The following NUBPL variants were observed in gnomAD, a reference collection of about 807,000 sequenced individuals.
NUBPL encodes the protein iron-sulfur cluster transfer protein NUBPL.
A neutral mutation model predicts 45.7 loss-of-function variants in NUBPL; 31 were observed. The ratio of observed to expected loss-of-function variants is 0.68; its 90% CI spans 0.51 to 0.92. NUBPL has a LOEUF of 0.92. NUBPL is among the 40% of genes least tolerant of loss of function. The probability of loss-of-function intolerance (pLI) is 0.00; values close to 1 mark genes in which losing one functional copy is unlikely to be tolerated. For missense variants in NUBPL, 401 were observed against 398.7 expected (o/e 1.01, Z -0.05); for synonymous variants, 144 against 140.9 (o/e 1.02, Z -0.15).
At chr14:31,647,782 GT>G (rs1865980424) in intron 4 of NUBPL, among the ~76,000 whole-genome samples, 2 of 152,202 alleles carry the variant, frequency 1.3e-5, no homozygotes, top group South Asian at 4.1e-4. Flanking sequence ...ACCCAAGATG[GT>G]GGGGAAACTG....
chr14:31,636,135 G>A (rs1241165774), intron 4 of NUBPL, among the ~76,000 whole-genome samples: 1 of 152,022 alleles, frequency 6.6e-6, no homozygotes, highest in Non-Finnish European at 1.5e-5. Context: ...ATGTTGAATA[G>A]GAGTGGTGAG....
chr14:31,615,100 G>A (rs1429621107), intron 4 of NUBPL, among the ~76,000 whole-genome samples: 1 of 152,082 alleles, frequency 6.6e-6, no homozygotes, highest in Non-Finnish European at 1.5e-5. Flanking sequence ...TGGATCATGG[G>A]GGTGGTTTCT....
chr14:31,571,694 C>T (rs566219757), intron 3 of NUBPL, among the ~76,000 whole-genome samples: 1 of 152,268 alleles, frequency 6.6e-6, no homozygotes, highest in East Asian at 1.9e-4. Flanking sequence ...AGGTGATCTG[C>T]CCACCTCGGC....
chr14:31,787,855 CAGAAT>C lies in NUBPL; in HGVS notation c.591_595del (p.Gln197HisfsTer25), dbSNP rs1313083001. The C allele has an allele frequency of 6.2e-7, 1 of 1,609,282 alleles. No homozygotes were observed. The highest frequency in any genetic ancestry group is 8.5e-7 in the Non-Finnish European group (1 of 1,175,724). ...TGGAGATGTGCAGTTATCAGTCTCA[CAGAAT>C]ATTCCTATAACAGGTAAATCTTCAA... On this transcript the variant is annotated frameshift_variant, in exon 7 of 11. Transcript: ENST00000281081. LOFTEE classifies it high-confidence loss of function.
intron 4 of NUBPL, among the ~76,000 whole-genome samples, chr14:31,672,960 C>T (rs10134392): frequency 0.11 from 17,382 of 152,004 alleles, 2,984 homozygotes; most frequent in African/African-American, 0.38. Flanking sequence ...GAAGGATGGA[C>T]GGGCAAAGGG....
At chr14:31,754,968 G>T (rs1013984344) in intron 6 of NUBPL, among the ~76,000 whole-genome samples, 165 of 149,562 alleles carry the variant, frequency 1.1e-3, no homozygotes, top group African/African-American at 3.6e-3. Flanking sequence ...TTGTCCTTGC[G>T]ATAGTTTACT....
chr14:31,805,066 T>C (rs1566571497), intron 7 of NUBPL, among the ~76,000 whole-genome samples: 1 of 134,456 alleles, frequency 7.4e-6, no homozygotes, highest in African/African-American at 2.5e-5. Flanking sequence ...AGCATCTATT[T>C]ACAAGACAAA....
chr14:31,663,200 C>T (rs1287385678), intron 4 of NUBPL, among the ~76,000 whole-genome samples: 1 of 152,142 alleles, frequency 6.6e-6, no homozygotes. Context: ...CCTGTTCACT[C>T]TGATGATAGT....
intron 6 of NUBPL, among the ~76,000 whole-genome samples, chr14:31,697,262 G>A (rs191713441): frequency 1.2e-3 from 176 of 152,290 alleles, no homozygotes; most frequent in Non-Finnish European, 1.6e-3. Context: ...TCAATTGAAA[G>A]CCAACAATCA....
intron 10 of NUBPL, among the ~76,000 whole-genome samples, chr14:31,857,854 C>T (rs143498308): frequency 0.043 from 6,554 of 152,250 alleles, 204 homozygotes; most frequent in African/African-American, 0.087. Context: ...CCACATTTTC[C>T]TGTCTTCTTC....
chr14:31,619,385 G>C (rs1208308363), intron 4 of NUBPL, among the ~76,000 whole-genome samples: 1 of 152,176 alleles, frequency 6.6e-6, no homozygotes, highest in African/African-American at 2.4e-5. Context: ...AGTGTCGATG[G>C]CCTTTACAAT....
At chr14:31,848,885 T>C (rs1198595205) in intron 9 of NUBPL, among the ~76,000 whole-genome samples, 1 of 152,214 alleles carries the variant, frequency 6.6e-6, no homozygotes, top group South Asian at 2.1e-4. Flanking sequence ...TTCATGATTC[T>C]TTACTAGAAT....
At chr14:31,633,591 C>T (rs796101330) in intron 4 of NUBPL, among the ~76,000 whole-genome samples, 2 of 152,238 alleles carry the variant, frequency 1.3e-5, no homozygotes, top group African/African-American at 4.8e-5. Flanking sequence ...AAAGCTTTTG[C>T]TCGTTGTAGA....
chr14:31,655,819 T>G (rs926694013), intron 4 of NUBPL, among the ~76,000 whole-genome samples: 3 of 152,216 alleles, frequency 2.0e-5, no homozygotes, highest in Non-Finnish European at 4.4e-5. Context: ...AGCCCTTGTA[T>G]TTTCAAAATG....
intron 4 of NUBPL, chr14:31,654,022 CT>C: frequency 2.3e-6 from 1 of 431,378 alleles, no homozygotes. Flanking sequence ...GTCTGTTTTT[CT>C]TTGCTACTAT....
intron 8 of NUBPL, among the ~76,000 whole-genome samples, chr14:31,840,795 T>TA (rs1566592966): frequency 6.6e-6 from 1 of 152,128 alleles, no homozygotes; most frequent in East Asian, 1.9e-4. Flanking sequence ...TCAAACAATA[T>TA]AAAATTTCAA....
At chr14:31,606,931 A>G (rs548576201) in intron 4 of NUBPL, among the ~76,000 whole-genome samples, 2 of 152,238 alleles carry the variant, frequency 1.3e-5, no homozygotes, top group African/African-American at 4.8e-5. Flanking sequence ...TGTCTTTGTG[A>G]GGAGGATGAG....
At chr14:31,857,275 C>T (rs571657046) in intron 10 of NUBPL, among the ~76,000 whole-genome samples, 1 of 152,284 alleles carries the variant, frequency 6.6e-6, no homozygotes, top group Non-Finnish European at 1.5e-5. Context: ...AGGAGCAGGG[C>T]ACCAAGTCCC....
intron 10 of NUBPL, among the ~76,000 whole-genome samples, chr14:31,854,488 T>A (rs1363515927): frequency 6.6e-6 from 1 of 152,232 alleles, no homozygotes; most frequent in Non-Finnish European, 1.5e-5. Flanking sequence ...ATATGAGTTC[T>A]TCAATGAGAT....
Sources: allele counts gnomAD v4.1 joint callset (sites outside exome capture counted in the v4.1 genomes callset), GRCh38; gene constraint gnomAD v4.1.1; transcripts MANE v1.5; gene names NCBI Gene and HGNC (gene_info 2026-07-23, HGNC 2026-07-21).